Variants in RASEF observed in about 807,000 individuals in gnomAD.
RASEF encodes the protein RAS and EF-hand domain containing, also known as ras and EF-hand domain-containing protein.
In RASEF, 68 loss-of-function variants were observed where a neutral mutation model predicts 90.1. The observed-to-expected ratio is 0.75, with a 90% CI of 0.62 to 0.92. The LOEUF is 0.92. Ranked by LOEUF, RASEF falls within the 40% of genes least tolerant of loss-of-function variation. RASEF has a pLI of 0.00. For missense variants in RASEF, 949 were observed against 937.2 expected (o/e 1.01, Z -0.16); for synonymous variants, 331 against 345.2 (o/e 0.96, Z 0.46).
chr9:83,126,179 A>C, the RASEF span, among the ~76,000 whole-genome samples: 1 of 152,076 alleles, frequency 6.6e-6, no homozygotes, highest in Non-Finnish European at 1.5e-5. Flanking sequence ...TTGAACCCTA[A>C]CCCCAATGTG....
At chr9:83,071,039 A>G in the RASEF span, among the ~76,000 whole-genome samples, 1 of 152,170 alleles carries the variant, frequency 6.6e-6, no homozygotes, top group Admixed American at 6.5e-5. Context: ...AATTTTCTCC[A>G]TACACAATTA....
chr9:83,180,120 A>G, the RASEF span, among the ~76,000 whole-genome samples: 1 of 152,238 alleles, frequency 6.6e-6, no homozygotes, highest in Non-Finnish European at 1.5e-5. Context: ...TGCATATGTT[A>G]ATATACCATA....
the RASEF span, among the ~76,000 whole-genome samples, chr9:83,212,479 T>G: frequency 6.6e-6 from 1 of 152,202 alleles, no homozygotes; most frequent in Admixed American, 6.5e-5. Context: ...AGTTTTACAA[T>G]TATGATTTGC....
rs776617983 is a variant in RASEF, at chr9:82,990,403, A to T, written c.2105T>A (p.Leu702Gln). 6.2e-7 allele frequency: 1 copy of T among 1,613,456 alleles called. No homozygotes were observed. The highest frequency in any genetic ancestry group is 1.1e-5 in the South Asian group (1 of 91,042). Residue 702 changes from leucine to glutamine, a missense_variant, in exon 16 of 17, where the codon CTG becomes CAG. Leu to Gln is a moderately radical substitution (Grantham distance 113). This residue lies in a region of RASEF where 288 missense variants were observed against 328.4 expected (regional missense o/e 0.88). Coordinates refer to ENST00000376447, the MANE Select transcript of RASEF (RefSeq NM_152573.4). ...TCCCAAACTTTACCGAGCAAGGTGCAGAACAGCCTCCACTATGTTAGAACC... is the reference window on the plus strand; with the variant it reads ...TCCCAAACTTTACCGAGCAAGGTGCTGAACAGCCTCCACTATGTTAGAACC... ...KDGSNIVEAVLHLAREVKKRT... is the reference protein window; with the variant it reads ...KDGSNIVEAVQHLAREVKKRT...
Position 83,009,687 on chromosome 9 carries a change from C to A in RASEF, c.913G>T (p.Asp305Tyr), listed in dbSNP as rs1829203349. The change falls in exon 6 of 17, where the codon GAT (aspartate) becomes TAT (tyrosine). Residue 305 changes from aspartate to tyrosine, a missense_variant. Transcript: ENST00000376447. ...TCAGCATAATCACTTTTCAAAGCAT[C>A]TAACTCACTCTGAAGAAAGGCTATG... is the stretch of plus-strand genomic sequence containing the variant. Reference protein sequence around the residue: ...TNIAFLQSELDALKSDYADQS... With the variant: ...TNIAFLQSELYALKSDYADQS... 6.2e-7 allele frequency: 1 copy of A among 1,613,234 alleles called. No individual in the cohort carries two copies. The highest frequency in any genetic ancestry group is 8.5e-7 in the Non-Finnish European group (1 of 1,179,472).
the RASEF span, among the ~76,000 whole-genome samples, chr9:83,212,173 A>G: frequency 2.6e-5 from 4 of 152,354 alleles, no homozygotes; most frequent in East Asian, 7.7e-4. Context: ...ATAGCACTTA[A>G]TGCTTTGAAA....
At chr9:83,117,763 A>T in the RASEF span, among the ~76,000 whole-genome samples, 1 of 152,200 alleles carries the variant, frequency 6.6e-6, no homozygotes, top group Admixed American at 6.5e-5. Context: ...CAGTCATTTA[A>T]TGATCTTTCC....
At chr9:83,034,445 C>G (rs1182877301) in intron 1 of RASEF, among the ~76,000 whole-genome samples, 1 of 152,182 alleles carries the variant, frequency 6.6e-6, no homozygotes, top group Non-Finnish European at 1.5e-5. Context: ...TTTGTGTCAT[C>G]TTGAGAAATA....
chr9:83,084,246 A>C, the RASEF span, among the ~76,000 whole-genome samples: 10 of 152,208 alleles, frequency 6.6e-5, no homozygotes, highest in Non-Finnish European at 1.5e-4. Context: ...TATTTGAAAC[A>C]TTATGAAGAT....
At chr9:83,100,614 G>A in the RASEF span, among the ~76,000 whole-genome samples, 1 of 152,124 alleles carries the variant, frequency 6.6e-6, no homozygotes, top group African/African-American at 2.4e-5. Flanking sequence ...CTTCCATACA[G>A]AAGGAAGTCA....
At chr9:83,131,681 CCA>C in the RASEF span, among the ~76,000 whole-genome samples, 1 of 152,162 alleles carries the variant, frequency 6.6e-6, no homozygotes, top group African/African-American at 2.4e-5. Context: ...TGCCAAGACT[CCA>C]CACAGTCATT....
chr9:83,076,273 T>C, the RASEF span, among the ~76,000 whole-genome samples: 1 of 152,210 alleles, frequency 6.6e-6, no homozygotes, highest in Non-Finnish European at 1.5e-5. Flanking sequence ...ACCAATACTT[T>C]TGAGTCTTAG....
rs546556289 is a variant in RASEF, at chr9:82,991,920, G to C, written c.2040+986C>G. 2.0e-5 allele frequency among the ~76,000 whole-genome samples: 3 copies of C among 152,292 alleles called. No individual in the cohort carries two copies. In the South Asian group the frequency reaches 6.2e-4, roughly 32 times the overall value. On this transcript the variant is annotated intron_variant, in intron 15 of 16. Transcript: ENST00000376447. ...CTCCCTCAGACAGTAAACAATACGAGGGCAAGGACTGTTTGCTTTGTTCTC... is the reference window on the plus strand; with the variant it reads ...CTCCCTCAGACAGTAAACAATACGACGGCAAGGACTGTTTGCTTTGTTCTC...
chr9:83,036,784 A>G (rs1225769021), intron 1 of RASEF, among the ~76,000 whole-genome samples: 3 of 152,254 alleles, frequency 2.0e-5, no homozygotes, highest in Non-Finnish European at 4.4e-5. Context: ...ATCAATAATC[A>G]GTTCATTAAT....
At chr9:82,983,107 CCACACACACA>C (rs10539196) in intron 16 of RASEF, among the ~76,000 whole-genome samples, 1,673 of 128,614 alleles carry the variant, frequency 0.013, 10 homozygotes, top group Admixed American at 0.018. Flanking sequence ...GAGTACCAGG[CCACACACACA>C]CACACACACA....
rs1830248659 is a variant in RASEF, at chr9:83,063,141, C to T, written c.-274G>A. ...CACCGCCAAGGAGCGCCTCCTGCGA[C>T]TGAGCGCCCAAGCGCCGAGGTGGCT... is the stretch of plus-strand genomic sequence containing the variant. On this transcript the variant is annotated 5_prime_UTR_variant, in exon 1 of 17. Coordinates refer to ENST00000376447, the MANE Select transcript of RASEF (RefSeq NM_152573.4). 11 of 428,858 alleles carry T rather than the reference C, an allele frequency of 2.6e-5. No homozygotes were observed. In the South Asian group the frequency reaches 5.3e-4, roughly 21 times the overall value. 26.6% of individuals were successfully genotyped at this position (428,858 alleles called of 1,614,324 possible).
At chr9:83,090,938 C>T in the RASEF span, among the ~76,000 whole-genome samples, 1 of 151,956 alleles carries the variant, frequency 6.6e-6, no homozygotes, top group Non-Finnish European at 1.5e-5. Context: ...TTATCTCTCA[C>T]GTATGACCAC....
At chr9:83,113,926 C>A in the RASEF span, among the ~76,000 whole-genome samples, 1 of 152,286 alleles carries the variant, frequency 6.6e-6, no homozygotes, top group East Asian at 1.9e-4. Context: ...TGTTTGTACA[C>A]CCCCTCTCCT....
the RASEF span, among the ~76,000 whole-genome samples, chr9:83,071,006 T>TGGC: frequency 6.6e-6 from 1 of 152,212 alleles, no homozygotes; most frequent in African/African-American, 2.4e-5. Context: ...TTAGTTGTGG[T>TGGC]GGCTGTTTTA....
Sources: gnomAD v4.1 joint callset for allele counts (sites outside exome capture counted in the v4.1 genomes callset) on GRCh38, gnomAD v4.1.1 for gene constraint, gnomAD v4.1.1 regional missense constraint, MANE v1.5 for transcripts, NCBI Gene and HGNC (gene_info 2026-07-23, HGNC 2026-07-21) for gene names.